Variants in TBXAS1 observed in about 807,000 individuals in gnomAD.
The protein encoded by TBXAS1 is thromboxane A synthase 1.
Under a neutral mutation model 60.7 loss-of-function variants are expected in TBXAS1, and 48 were observed. The observed-to-expected ratio is 0.79, with a 90% CI of 0.63 to 1.01. TBXAS1 has a LOEUF of 1.01. Ranked by LOEUF, TBXAS1 falls within the 50% of genes least tolerant of loss-of-function variation. The pLI is 0.00. For synonymous variants in TBXAS1, 287 were observed against 269.7 expected (o/e 1.06, Z -0.63); for missense variants, 685 against 686.3 (o/e 1.00, Z 0.02).
chr7:139,963,659 AG>A (rs1359333141), intron 9 of TBXAS1, among the ~76,000 whole-genome samples: 19 of 152,360 alleles, frequency 1.2e-4, no homozygotes, highest in African/African-American at 4.3e-4. Context: ...AAGAAGTAAA[AG>A]GAGCTGGAAG....
chr7:139,861,400 A>AT (rs915023081), intron 1 of TBXAS1, among the ~76,000 whole-genome samples: 3 of 143,554 alleles, frequency 2.1e-5, no homozygotes, highest in Admixed American at 1.4e-4. Context: ...CACCTGGCTA[A>AT]TTTTTTTTTC....
At chr7:139,805,509 A>G (rs1187748032) in intron 4 of TBXAS1, among the ~76,000 whole-genome samples, 2 of 152,062 alleles carry the variant, frequency 1.3e-5, no homozygotes, top group Non-Finnish European at 2.9e-5. Context: ...CATGACACAC[A>G]ACTCTTTGAA....
chr7:139,806,838 A>G (rs2116381569), intron 4 of TBXAS1, among the ~76,000 whole-genome samples: 1 of 151,100 alleles, frequency 6.6e-6, no homozygotes, highest in Middle Eastern at 3.5e-3. Flanking sequence ...TGGTGACCTC[A>G]CACACTCTAA....
chr7:139,835,668 C>G (rs1799010468), intron 1 of TBXAS1, among the ~76,000 whole-genome samples: 1 of 152,126 alleles, frequency 6.6e-6, no homozygotes. Flanking sequence ...CACAGCCAAC[C>G]TAATACTGAA....
At chr7:139,944,775 T>C (rs1808568663) in intron 5 of TBXAS1, among the ~76,000 whole-genome samples, 1 of 152,206 alleles carries the variant, frequency 6.6e-6, no homozygotes, top group Admixed American at 6.5e-5. Context: ...TTGGGGCTTA[T>C]CTCTGTTTAG....
chr7:139,790,677 C>T (rs1367505997), intron 4 of TBXAS1, among the ~76,000 whole-genome samples: 3 of 152,132 alleles, frequency 2.0e-5, no homozygotes, highest in African/African-American at 4.8e-5. Context: ...TTTTCTTGCA[C>T]CTATGAATTC....
chr7:139,902,740 T>C (rs902861319), intron 3 of TBXAS1, among the ~76,000 whole-genome samples: 5 of 152,200 alleles, frequency 3.3e-5, no homozygotes, highest in African/African-American at 1.2e-4. Flanking sequence ...ATGATCCACT[T>C]TCTCCACATG....
At chr7:139,978,772 C>G (rs1811746684) in intron 9 of TBXAS1, among the ~76,000 whole-genome samples, 1 of 101,832 alleles carries the variant, frequency 9.8e-6, no homozygotes, top group Non-Finnish European at 2.0e-5. Flanking sequence ...ACCCCTGCCT[C>G]TACAAAAAAA....
intron 4 of TBXAS1, chr7:139,913,315 T>G: frequency 1.7e-6 from 1 of 590,036 alleles, no homozygotes. Flanking sequence ...AGCTTGTTGC[T>G]CCATCAGCCT....
At chr7:139,826,099 C>T (rs549510523), upstream of TBXAS1, among the ~76,000 whole-genome samples, 6 of 152,270 alleles carry the variant, frequency 3.9e-5, no homozygotes, top group South Asian at 2.1e-4. Context: ...TCCCTGAATC[C>T]GTGACCACGA....
chr7:139,931,420 C>T (rs1396181813), intron 4 of TBXAS1, among the ~76,000 whole-genome samples: 3 of 152,208 alleles, frequency 2.0e-5, no homozygotes, highest in African/African-American at 7.2e-5. Context: ...TCCCATCACA[C>T]TTACCAGTCT....
intron 9 of TBXAS1, among the ~76,000 whole-genome samples, chr7:139,985,272 T>C (rs1812361175): frequency 6.6e-6 from 1 of 152,238 alleles, no homozygotes; most frequent in Non-Finnish European, 1.5e-5. Flanking sequence ...CTTTTCCTGA[T>C]GTGGCAGGGT....
At chr7:140,001,753 T>C (rs1032050212) in intron 9 of TBXAS1, among the ~76,000 whole-genome samples, 2 of 152,324 alleles carry the variant, frequency 1.3e-5, no homozygotes, top group Admixed American at 6.5e-5. Context: ...AAAATGAATG[T>C]TCATTCCTTG....
chr7:139,939,474 A>T (rs895518495), intron 5 of TBXAS1, among the ~76,000 whole-genome samples: 34 of 150,828 alleles, frequency 2.3e-4, no homozygotes, highest in African/African-American at 7.6e-4. Flanking sequence ...CTTGAAAGGC[A>T]TTTTTTTCTA....
chr7:139,973,388 G>A (rs148901746), intron 9 of TBXAS1, among the ~76,000 whole-genome samples: 1 of 152,146 alleles, frequency 6.6e-6, no homozygotes, highest in East Asian at 1.9e-4. Flanking sequence ...CAATCGCTGG[G>A]CATCTCAGAG....
chr7:139,799,867 A>G (rs1797672567), intron 4 of TBXAS1, among the ~76,000 whole-genome samples: 1 of 152,178 alleles, frequency 6.6e-6, no homozygotes, highest in Non-Finnish European at 1.5e-5. Flanking sequence ...TTCCTAGGGC[A>G]GTAGGCCTGG....
At chr7:139,955,983 G>A (rs939204526) in intron 7 of TBXAS1, among the ~76,000 whole-genome samples, 1 of 152,132 alleles carries the variant, frequency 6.6e-6, no homozygotes, top group African/African-American at 2.4e-5. Context: ...GCTGAGACTG[G>A]AACCCAAAGC....
intron 4 of TBXAS1, among the ~76,000 whole-genome samples, chr7:139,933,867 G>T (rs1807532913): frequency 6.6e-6 from 1 of 152,096 alleles, no homozygotes; most frequent in Non-Finnish European, 1.5e-5. Flanking sequence ...CCCGCAACCT[G>T]CAGGCTGGGG....
chr7:140,006,763 G>A (rs1814107939), intron 9 of TBXAS1, among the ~76,000 whole-genome samples: 1 of 152,206 alleles, frequency 6.6e-6, no homozygotes, highest in Non-Finnish European at 1.5e-5. Context: ...AGCATCAAAT[G>A]CGGTAACGTC....
Sources: gnomAD v4.1 joint callset for allele counts (sites outside exome capture counted in the v4.1 genomes callset) on GRCh38, gnomAD v4.1.1 for gene constraint, MANE v1.5 for transcripts, NCBI Gene and HGNC (gene_info 2026-07-23, HGNC 2026-07-21) for gene names.